Variants in TBC1D5 observed in about 807,000 individuals in gnomAD.
The protein encoded by TBC1D5 is TBC1 domain family member 5.
In TBC1D5, 75 loss-of-function variants were observed where a neutral mutation model predicts 100.3. The observed-to-expected ratio is 0.75, with a 90% confidence interval of 0.62 to 0.91. The LOEUF (loss-of-function observed/expected upper bound fraction) is 0.91, where lower values mean the gene tolerates loss of function less well. Ranked by LOEUF, TBC1D5 falls within the 40% of genes least tolerant of loss-of-function variation. The probability of loss-of-function intolerance (pLI) is 0.00; values close to 1 mark genes in which losing one functional copy is unlikely to be tolerated. For synonymous variants in TBC1D5, 323 were observed against 325.6 expected, an observed-to-expected ratio of 0.99 and a Z score of 0.09; for missense variants, 910 against 942.4, an observed-to-expected ratio of 0.97 and a Z score of 0.45.
At chr3:17,209,452 TTCTC>T (rs1298487238) in intron 18 of TBC1D5, among the ~76,000 whole-genome samples, 1 of 152,214 alleles carries the variant, frequency 6.6e-6, no homozygotes, top group Non-Finnish European at 1.5e-5. Context: ...CAGCTGGCCT[TTCTC>T]TCTAACTTAT....
intron 2 of TBC1D5, among the ~76,000 whole-genome samples, chr3:17,590,912 G>A (rs143872748): frequency 2.7e-4 from 41 of 152,036 alleles, no homozygotes; most frequent in African/African-American, 9.6e-4. Context: ...AAACTTCTAG[G>A]TCAAATGGGC....
At chr3:17,530,704 A>G (rs1306322757) in intron 2 of TBC1D5, among the ~76,000 whole-genome samples, 2 of 152,210 alleles carry the variant, frequency 1.3e-5, no homozygotes, top group Non-Finnish European at 2.9e-5. Flanking sequence ...AACATAATCC[A>G]GCATATAAAC....
intron 2 of TBC1D5, among the ~76,000 whole-genome samples, chr3:17,609,915 T>C (rs2061562103): frequency 6.6e-6 from 1 of 152,194 alleles, no homozygotes; most frequent in Non-Finnish European, 1.5e-5. Context: ...CAACTTATAC[T>C]CAGTATCTCA....
intron 1 of TBC1D5, among the ~76,000 whole-genome samples, chr3:17,652,371 G>A (rs1469732749): frequency 3.9e-5 from 6 of 151,912 alleles, no homozygotes; most frequent in African/African-American, 9.7e-5. Flanking sequence ...AAACTACATC[G>A]AAAACTTCAA....
chr3:17,716,455 A>C (rs2075249698), intron 1 of TBC1D5, among the ~76,000 whole-genome samples: 1 of 151,902 alleles, frequency 6.6e-6, no homozygotes, highest in African/African-American at 2.4e-5. Context: ...AGGGAAAAAA[A>C]AAATTAAAGA....
rs7617930 is a variant in TBC1D5 at position 17,174,667 on chromosome 3, C to T, written c.1853-6839G>A. Among the ~76,000 whole-genome samples the T allele has an allele frequency of 5.6e-3, 858 of 152,248 alleles. 4 individuals carry two copies. The highest frequency in any genetic ancestry group is 0.019 in the African/African-American group (798 of 41,528). ...GGAGTGCAGTGGCACAATCTCGACTCGCTGCAACCTCCGCCTCCTGGATTC... is the reference window on the plus strand; with the variant it reads ...GGAGTGCAGTGGCACAATCTCGACTTGCTGCAACCTCCGCCTCCTGGATTC... On this transcript the variant is annotated intron_variant, in intron 19 of 21. Transcript: ENST00000253692.
intron 2 of TBC1D5, among the ~76,000 whole-genome samples, chr3:17,608,310 C>G (rs2061464749): frequency 6.6e-6 from 1 of 152,006 alleles, no homozygotes; most frequent in Admixed American, 6.6e-5. Flanking sequence ...ATCACTTTTA[C>G]TCAACTGTAA....
rs907654414 is a variant in TBC1D5, at chr3:17,504,465, A to T, written c.97+4009T>A. On this transcript the variant is annotated intron_variant, in intron 3 of 21. Transcript: ENST00000253692. ...ATAAATTAAAAACAAAATAAAAATT[A>T]AAAAAAAGGATTATATATTGTTGAA... 1.0e-3 allele frequency among the ~76,000 whole-genome samples: 159 copies of T among 151,996 alleles called. 1 individual carries two copies. Among genetic ancestry groups the T allele is most frequent in the African/African-American group, 2.0e-3 (81 of 41,416 alleles).
At chr3:17,338,173 T>C (rs1268826275) in intron 13 of TBC1D5, among the ~76,000 whole-genome samples, 1 of 152,186 alleles carries the variant, frequency 6.6e-6, no homozygotes, top group East Asian at 1.9e-4. Context: ...TTTAATAAAA[T>C]AGTATTTGTA....
In TBC1D5 at chr3:17,556,265, G is replaced by A. The variant is rs567667605; in HGVS notation, c.-35-47660C>T. Among the ~76,000 whole-genome samples, 16 of 152,186 alleles carry A rather than the reference G, an allele frequency of 1.1e-4. No individual in the cohort carries two copies. The South Asian group carries it at 2.1e-3, about 20-fold the overall frequency. On this transcript the variant is annotated intron_variant, in intron 2 of 21. Transcript: ENST00000253692. ...ACTCTTGACCTCAGGTGATCCACCC[G>A]CCTTGGCCTCCCAAAGTGCTGGGAT...
chr3:17,560,419 A>G (rs183850030), intron 2 of TBC1D5, among the ~76,000 whole-genome samples: 2 of 152,134 alleles, frequency 1.3e-5, no homozygotes, highest in East Asian at 3.9e-4. Context: ...GGAGTTCAAG[A>G]CTAGCCTGGG....
In TBC1D5 at chr3:17,626,019, T is replaced by C. The variant is rs140817467; in HGVS notation, c.-100-2106A>G. Among the ~76,000 whole-genome samples the C allele has an allele frequency of 9.8e-4, 149 of 152,290 alleles. 1 individual carries two copies. Among genetic ancestry groups the C allele is most frequent in the African/African-American group, 3.4e-3 (141 of 41,576 alleles). ...CAATTAATCATTCTTTCCATTATGT[T>C]GTCTACTGAATTTACCCAGATATAT... On this transcript the variant is annotated intron_variant, in intron 1 of 21. Coordinates refer to ENST00000253692, the Ensembl canonical transcript of TBC1D5.
At chr3:17,414,449 T>G (rs1052798189) in intron 4 of TBC1D5, among the ~76,000 whole-genome samples, 6 of 152,216 alleles carry the variant, frequency 3.9e-5, no homozygotes, top group Non-Finnish European at 8.8e-5. Flanking sequence ...TGCCAAGCAC[T>G]GTACCATAAT....
At chr3:17,633,382 G>C (rs1031358586) in intron 1 of TBC1D5, among the ~76,000 whole-genome samples, 1 of 151,156 alleles carries the variant, frequency 6.6e-6, no homozygotes, top group Non-Finnish European at 1.5e-5. Flanking sequence ...GTTGCAGTAA[G>C]CCGAGATCAC....
In TBC1D5 at chr3:17,605,752, C is replaced by T. The variant is rs188253128; in HGVS notation, c.-36+18097G>A. 3.5e-3 allele frequency among the ~76,000 whole-genome samples: 534 copies of T among 151,898 alleles called. 4 individuals are homozygous for T. Among genetic ancestry groups the T allele is most frequent in the African/African-American group, 0.012 (504 of 41,390 alleles). On this transcript the variant is annotated intron_variant, in intron 2 of 21. Coordinates refer to ENST00000253692, the Ensembl canonical transcript of TBC1D5. ...ATATATTAACATGCTCAATTGTGAC[C>T]GACAAATATTATGAGACTTCTAAGT... is the stretch of plus-strand genomic sequence containing the variant.
chr3:17,668,529 G>T (rs2067540070), intron 1 of TBC1D5, among the ~76,000 whole-genome samples: 1 of 151,984 alleles, frequency 6.6e-6, no homozygotes, highest in Admixed American at 6.6e-5. Context: ...CTACCCTAAA[G>T]GATGGAATTT....
chr3:17,570,848 C>T (rs1277273355), intron 2 of TBC1D5, among the ~76,000 whole-genome samples: 2 of 151,840 alleles, frequency 1.3e-5, no homozygotes, highest in Non-Finnish European at 2.9e-5. Flanking sequence ...TTGTTGCAAC[C>T]TCTAAGTCCC....
chr3:17,213,383 G>A (rs998881470), intron 18 of TBC1D5, among the ~76,000 whole-genome samples: 1 of 152,152 alleles, frequency 6.6e-6, no homozygotes, highest in Non-Finnish European at 1.5e-5. Context: ...GTGGTTAAAC[G>A]TGAAGTTGGC....
At chr3:17,247,061 C>G (rs1348607949) in intron 16 of TBC1D5, among the ~76,000 whole-genome samples, 1 of 152,130 alleles carries the variant, frequency 6.6e-6, no homozygotes, top group African/African-American at 2.4e-5. Flanking sequence ...TCTGACCTCT[C>G]TGGGCAGGAA....
Sources: allele counts gnomAD v4.1 joint callset (sites outside exome capture counted in the v4.1 genomes callset), GRCh38; gene constraint gnomAD v4.1.1; transcripts MANE v1.5; gene names NCBI Gene and HGNC (gene_info 2026-07-23, HGNC 2026-07-21).